VAV2: variants seen among roughly 807,000 people sequenced by gnomAD.
VAV2 encodes vav guanine nucleotide exchange factor 2.
VAV2 carries 67 observed loss-of-function variants against 132.5 expected under a neutral mutation model. The observed-to-expected ratio is 0.51, with a 90% CI of 0.42 to 0.62. The LOEUF (loss-of-function observed/expected upper bound fraction) is 0.62. Ranked by LOEUF, VAV2 falls within the 20% of genes least tolerant of loss-of-function variation. VAV2 has a pLI of 0.00. For synonymous variants in VAV2, 492 were observed against 443.5 expected (o/e 1.11, Z -1.37); for missense variants, 938 against 1,153.6 (o/e 0.81, Z 2.71).
At chr9:133,780,766 T>A in intron 19 of VAV2, 56 bp from the exon 20 acceptor site, 1 of 1,258,160 alleles carries the variant, frequency 7.9e-7, no homozygotes, top group Non-Finnish European at 1.0e-6. Context: ...CAAGGCCCCG[T>A]GCAGCTCTCA....
At chr9:133,963,007 G>A (rs1842013931) in intron 1 of VAV2, among the ~76,000 whole-genome samples, 1 of 152,166 alleles carries the variant, frequency 6.6e-6, no homozygotes, top group Non-Finnish European at 1.5e-5. Context: ...AGTCAATAAT[G>A]TGATTGGGTA....
At chr9:133,854,266 C>CAT (rs1837304036) in intron 3 of VAV2, among the ~76,000 whole-genome samples, 5 of 145,272 alleles carry the variant, frequency 3.4e-5, no homozygotes, top group Admixed American at 1.3e-4. Context: ...CACACACACA[C>CAT]GCACATACCC....
intron 29 of VAV2, 131 bp from the exon 30 acceptor site, chr9:133,764,240 C>T: frequency 1.8e-6 from 2 of 1,137,794 alleles, no homozygotes; most frequent in South Asian, 1.4e-5. Flanking sequence ...CCAGAGTTCT[C>T]AGAAGGACCT....
chr9:133,953,977 A>G (rs1426738717), intron 1 of VAV2, among the ~76,000 whole-genome samples: 2 of 152,148 alleles, frequency 1.3e-5, no homozygotes, highest in African/African-American at 4.8e-5. Flanking sequence ...CCCCTTGCAC[A>G]GGCAGGTGGC....
chr9:133,888,605 G>T (rs997890704), intron 2 of VAV2, among the ~76,000 whole-genome samples: 1 of 152,160 alleles, frequency 6.6e-6, no homozygotes, highest in African/African-American at 2.4e-5. Flanking sequence ...TGCAGCTCTG[G>T]GAAGGGCTTT....
rs371941124 is a variant in VAV2 at position 133,884,311 on chromosome 9, G to A, written c.322-22879C>T. Among the ~76,000 whole-genome samples, 36 of 152,250 alleles carry A rather than the reference G, an allele frequency of 2.4e-4. No homozygotes were observed. The highest frequency in any genetic ancestry group is 3.4e-3 in the Middle Eastern group (1 of 294). On this transcript the variant is annotated intron_variant, in intron 2 of 29. Transcript: ENST00000371850. This position sits in a 1 kb window ranked among gnomAD's most constrained non-coding sequence, Gnocchi z 5.3. ...TGATCATTACCCACCACCACCACGC[G>A]TCCTGCCTCCCAGCTGGACCCCAGG...
intron 2 of VAV2, among the ~76,000 whole-genome samples, chr9:133,873,199 T>C (rs1051329424): frequency 6.6e-6 from 1 of 152,062 alleles, no homozygotes; most frequent in African/African-American, 2.4e-5. Flanking sequence ...GTGCTGGGCA[T>C]GTGAGGGAAG....
In VAV2 at chr9:133,776,076, G is replaced by A; in HGVS notation, c.1970C>T (p.Pro657Leu). 1 of 1,612,958 alleles carries A rather than the reference G, an allele frequency of 6.2e-7. No homozygotes were observed. The highest frequency in any genetic ancestry group is 1.1e-5 in the South Asian group (1 of 90,996). ...VKPCPVDGRP[P>L]ISRPPSREID... Reference sequence around the variant, plus strand: ...CTCCCGGGATGGCGGCCGGCTGATGGGCGGCTGGTGGCAGAGCACAAGAGT... The same window carrying A: ...CTCCCGGGATGGCGGCCGGCTGATGAGCGGCTGGTGGCAGAGCACAAGAGT... Residue 657 changes from proline to leucine, a missense_variant, in exon 24 of 30, where the codon CCC becomes CTC. By Grantham distance (98) the Pro-to-Leu change is moderately conservative. Transcript: ENST00000371850.
At chr9:133,792,269 G>T (rs1429830227) in intron 12 of VAV2, among the ~76,000 whole-genome samples, 1 of 145,644 alleles carries the variant, frequency 6.9e-6, no homozygotes, top group Non-Finnish European at 1.5e-5. Context: ...TGTACTGGGT[G>T]GGGTGTGTGG....
At chr9:133,921,710 C>T (rs1041147523) in intron 2 of VAV2, among the ~76,000 whole-genome samples, 2 of 152,248 alleles carry the variant, frequency 1.3e-5, no homozygotes, top group Non-Finnish European at 2.9e-5. Flanking sequence ...AGGCCCTGCT[C>T]CCCTGACCAA....
intron 2 of VAV2, among the ~76,000 whole-genome samples, chr9:133,874,161 G>A (rs780908538): frequency 6.6e-6 from 1 of 152,228 alleles, no homozygotes; most frequent in Non-Finnish European, 1.5e-5. Context: ...GAAGCTGAGG[G>A]ACAAACCACA....
intron 4 of VAV2, among the ~76,000 whole-genome samples, chr9:133,825,672 T>C (rs1289450596): frequency 1.3e-5 from 2 of 151,772 alleles, no homozygotes; most frequent in Non-Finnish European, 2.9e-5. Flanking sequence ...GTGGGCAGGG[T>C]GAGGACAACG....
At chr9:133,989,531 A>AC (rs1454447924) in intron 1 of VAV2, among the ~76,000 whole-genome samples, 1 of 150,042 alleles carries the variant, frequency 6.7e-6, no homozygotes, top group East Asian at 2.0e-4. Flanking sequence ...AAAAAAAAAA[A>AC]AAAAAAAGCT....
chr9:133,929,040 G>A (rs770098086), intron 2 of VAV2, among the ~76,000 whole-genome samples: 1 of 152,182 alleles, frequency 6.6e-6, no homozygotes, highest in African/African-American at 2.4e-5. Context: ...GGAATCTCCC[G>A]CCCACAGCCC....
chr9:133,956,759 G>A (rs780224790), intron 1 of VAV2, among the ~76,000 whole-genome samples: 1 of 152,226 alleles, frequency 6.6e-6, no homozygotes, highest in East Asian at 1.9e-4. Flanking sequence ...GCCAGCCAAG[G>A]TCAGGAATGC....
chr9:133,856,322 G>T (rs535924823), intron 3 of VAV2, among the ~76,000 whole-genome samples: 4 of 152,358 alleles, frequency 2.6e-5, no homozygotes, highest in East Asian at 3.9e-4. Flanking sequence ...GAAAGCAGAA[G>T]AGAGGGTGGC....
intron 3 of VAV2, among the ~76,000 whole-genome samples, chr9:133,842,115 G>C (rs141390330): frequency 3.3e-5 from 5 of 152,196 alleles, no homozygotes; most frequent in African/African-American, 1.2e-4. Flanking sequence ...ACAGAAATCA[G>C]TGCTTGGCTC....
chr9:133,986,569 T>C lies in VAV2; in HGVS notation c.204+5506A>G, dbSNP rs567122279. 2.0e-5 allele frequency among the ~76,000 whole-genome samples: 3 copies of C among 152,334 alleles called. No homozygotes were observed. In the South Asian group the frequency reaches 6.2e-4, roughly 32 times the overall value. On this transcript the variant is annotated intron_variant, in intron 1 of 29. Transcript: ENST00000371850. ...GCAGTGCTGTGGTTACAGAGGAGAA[T>C]GCCCTTGTTTGCAGTAAACGCACTG...
At position 133,935,589 on chromosome 9, in the gene VAV2, GTT is replaced by G. The variant is rs377551395; in HGVS notation, c.321+3512_321+3513del. On this transcript the variant is annotated intron_variant, in intron 2 of 29. Transcript: ENST00000371850. This position sits in a 1 kb window ranked among gnomAD's most constrained non-coding sequence, Gnocchi z 5.2. ...AGGGAGGAGCTGGGCTTTTGCTTGTGTTTTGTTTTTCCAGAACACCTGTCCCG... is the reference window on the plus strand; with the variant it reads ...AGGGAGGAGCTGGGCTTTTGCTTGTGTTGTTTTTCCAGAACACCTGTCCCG... 3.8e-3 allele frequency among the ~76,000 whole-genome samples: 585 copies of G among 152,344 alleles called. 3 individuals carry two copies. The highest frequency in any genetic ancestry group is 0.013 in the African/African-American group (554 of 41,578).
Sources: gnomAD v4.1 joint callset for allele counts (sites outside exome capture counted in the v4.1 genomes callset) on GRCh38, gnomAD v4.1.1 for gene constraint, Gnocchi (gnomAD v3.1) non-coding constraint, MANE v1.5 for transcripts, NCBI Gene and HGNC (gene_info 2026-07-23, HGNC 2026-07-21) for gene names.